RAPGEF2: variants seen among roughly 807,000 people sequenced by gnomAD.
RAPGEF2 encodes the protein PDZ domain containing guanine nucleotide exchange factor (GEF) 1.
In RAPGEF2, 54 loss-of-function variants were observed where a neutral mutation model predicts 186.7. The ratio of observed to expected loss-of-function variants is 0.29; its 90% confidence interval spans 0.23 to 0.36. The LOEUF (loss-of-function observed/expected upper bound fraction) is 0.36, where lower values mean the gene tolerates loss of function less well. Ranked by LOEUF, RAPGEF2 falls within the 10% of genes least tolerant of loss-of-function variation. The pLI, the probability that RAPGEF2 is intolerant of heterozygous loss-of-function variation, is 1.00. For synonymous variants in RAPGEF2, 712 were observed against 705.9 expected (o/e 1.01, Z -0.14); for missense variants, 1,532 against 2,045.0 (o/e 0.75, Z 4.84).
At chr4:159,268,543 A>G (rs1311583721) in intron 7 of RAPGEF2, among the ~76,000 whole-genome samples, 1 of 152,196 alleles carries the variant, frequency 6.6e-6, no homozygotes. Flanking sequence ...ATGTTTTTGT[A>G]GTTGAATTTA....
chr4:159,155,227 T>A (rs1443102014), intron 1 of RAPGEF2, among the ~76,000 whole-genome samples: 1 of 152,176 alleles, frequency 6.6e-6, no homozygotes, highest in Non-Finnish European at 1.5e-5. Context: ...TTTGAAAGGA[T>A]ACGTAGGTGA....
intron 5 of RAPGEF2, among the ~76,000 whole-genome samples, chr4:159,239,212 C>T (rs1416524733): frequency 3.9e-5 from 6 of 152,038 alleles, no homozygotes; most frequent in Non-Finnish European, 8.8e-5. Context: ...GATTTTAGCT[C>T]TCCAAGTGTT....
At chr4:159,335,961 A>G (rs1422174270) in intron 17 of RAPGEF2, among the ~76,000 whole-genome samples, 2 of 151,598 alleles carry the variant, frequency 1.3e-5, no homozygotes, top group Admixed American at 6.6e-5. Flanking sequence ...ATCTCGTGTC[A>G]TGTATTACAT....
chr4:159,350,056 C>CA (rs1256565721), intron 25 of RAPGEF2, 81 bp from the exon 26 acceptor site: 12 of 975,052 alleles, frequency 1.2e-5, no homozygotes, highest in African/African-American at 1.7e-5. Flanking sequence ...AATCTTAACA[C>CA]AAAAAAGTTT....
intron 25 of RAPGEF2, among the ~76,000 whole-genome samples, chr4:159,349,301 G>A (rs145770818): frequency 6.6e-6 from 1 of 152,308 alleles, no homozygotes; most frequent in East Asian, 1.9e-4. Flanking sequence ...TCAGGCTGTA[G>A]TGCCTTCCCA....
At chr4:159,137,709 CA>C (rs35501594) in intron 1 of RAPGEF2, among the ~76,000 whole-genome samples, 1,779 of 122,204 alleles carry the variant, frequency 0.015, 30 homozygotes, top group African/African-American at 0.052. Context: ...AAAATAAATG[CA>C]AAAAAAAAAA....
intron 4 of RAPGEF2, among the ~76,000 whole-genome samples, chr4:159,218,233 A>G (rs1751166841): frequency 6.6e-6 from 1 of 152,226 alleles, no homozygotes; most frequent in Non-Finnish European, 1.5e-5. Flanking sequence ...CAAAAATCAC[A>G]GCTGGAGTGC....
chr4:159,198,335 T>TTTCTTTC lies in RAPGEF2; in HGVS notation c.197+5081_197+5082insCTTTCTT, dbSNP rs1491282307. Among the ~76,000 whole-genome samples, 357 of 43,598 alleles carry TTTCTTTC rather than the reference T, an allele frequency of 8.2e-3. 12 individuals are homozygous for TTTCTTTC. Among genetic ancestry groups the TTTCTTTC allele is most frequent in the African/African-American group, 0.056 (308 of 5,474 alleles). 28.6% of individuals were successfully genotyped at this position (43,598 alleles called of 152,430 possible). On this transcript the variant is annotated intron_variant, in intron 3 of 29. Coordinates refer to ENST00000691494, the MANE Select transcript of RAPGEF2 (RefSeq NM_001394067.2). ...CTTTCTTTCTTTCTTTCTTTCTTTC[T>TTTCTTTC]TTTTCTTTCTCTCTCTTTCCTTCCT...
chr4:159,194,450 A>C (rs1393244048), intron 3 of RAPGEF2, among the ~76,000 whole-genome samples: 1 of 152,114 alleles, frequency 6.6e-6, no homozygotes, highest in Non-Finnish European at 1.5e-5. Flanking sequence ...CAGACCCCCA[A>C]ATACTCATTG....
At chr4:159,319,009 T>G (rs1170715986) in intron 9 of RAPGEF2, among the ~76,000 whole-genome samples, 3 of 152,106 alleles carry the variant, frequency 2.0e-5, no homozygotes, top group Non-Finnish European at 4.4e-5. Flanking sequence ...AAAAGAAAAT[T>G]GTCCTGTTTC....
intron 17 of RAPGEF2, among the ~76,000 whole-genome samples, chr4:159,336,875 T>G (rs1767505372): frequency 6.6e-6 from 1 of 152,214 alleles, no homozygotes; most frequent in Non-Finnish European, 1.5e-5. Context: ...CACCTTAGTT[T>G]ATATTCCAAC....
chr4:159,238,988 TATTGTATA>T, intron 5 of RAPGEF2, 104 bp downstream of exon 5: 1 of 589,694 alleles, frequency 1.7e-6, no homozygotes, highest in Non-Finnish European at 2.6e-6. Flanking sequence ...GAATAGAAAA[TATTGTATA>T]TTTTCTATAA....
rs114363804 is a variant in RAPGEF2 at position 159,222,884 on chromosome 4, A to T, written c.281+12301A>T. On this transcript the variant is annotated intron_variant, in intron 4 of 29. Coordinates refer to ENST00000691494, the MANE Select transcript of RAPGEF2 (RefSeq NM_001394067.2). ...TTAAGATAAAAATGTCCAATTAATC[A>T]TAGTTCAGGGACACTTTTATTATGA... 5.9e-3 allele frequency among the ~76,000 whole-genome samples: 887 copies of T among 151,574 alleles called. 9 individuals are homozygous for T. Among genetic ancestry groups the T allele is most frequent in the African/African-American group, 0.02 (847 of 41,374 alleles).
At chr4:159,296,341 A>C (rs1762026503) in intron 7 of RAPGEF2, among the ~76,000 whole-genome samples, 2 of 152,216 alleles carry the variant, frequency 1.3e-5, no homozygotes, top group African/African-American at 4.8e-5. Flanking sequence ...AAGTTTCATG[A>C]GTGAGAAATT....
At chr4:159,273,366 A>T (rs535367259) in intron 7 of RAPGEF2, among the ~76,000 whole-genome samples, 15 of 152,176 alleles carry the variant, frequency 9.9e-5, no homozygotes, top group Non-Finnish European at 2.2e-4. Context: ...GACATTGCAT[A>T]CTCTGCTTAT....
chr4:159,301,122 C>T (rs923993445), intron 7 of RAPGEF2, among the ~76,000 whole-genome samples: 3 of 152,170 alleles, frequency 2.0e-5, no homozygotes, highest in Admixed American at 6.5e-5. Flanking sequence ...CCTGTAATCC[C>T]AGCACTTTAG....
chr4:159,138,055 A>G (rs1271471321), intron 1 of RAPGEF2, among the ~76,000 whole-genome samples: 2 of 152,224 alleles, frequency 1.3e-5, no homozygotes, highest in Non-Finnish European at 2.9e-5. Flanking sequence ...ACTAATTAGT[A>G]TAATGTTAAT....
At chr4:159,236,771 A>G (rs1434202537) in intron 4 of RAPGEF2, among the ~76,000 whole-genome samples, 1 of 152,196 alleles carries the variant, frequency 6.6e-6, no homozygotes, top group Non-Finnish European at 1.5e-5. Flanking sequence ...TTTTGTGTAT[A>G]TTGAAGAGTT....
chr4:159,330,330 A>G lies in RAPGEF2; in HGVS notation c.1303-4A>G. On this transcript the variant is annotated splice_polypyrimidine_tract_variant and splice_region_variant and intron_variant, in intron 12 of 29. Coordinates refer to ENST00000691494, the MANE Select transcript of RAPGEF2 (RefSeq NM_001394067.2). ...GTAGTAATTAAACCTTTTCTTTGTT[A>G]CAGGGTACCTCAGAAAGGTTAACAA... 6.5e-7 allele frequency: 1 copy of G among 1,545,638 alleles called. No individual in the cohort carries two copies. Among genetic ancestry groups the G allele is most frequent in the Admixed American group, 2.2e-5 (1 of 46,186 alleles).
Sources: allele counts gnomAD v4.1 joint callset (sites outside exome capture counted in the v4.1 genomes callset), GRCh38; gene constraint gnomAD v4.1.1; transcripts MANE v1.5; gene names NCBI Gene and HGNC (gene_info 2026-07-23, HGNC 2026-07-21).